GPC6: variants seen among roughly 807,000 people sequenced by gnomAD.
GPC6 encodes glypican 6.
A neutral mutation model predicts 55.2 loss-of-function variants in GPC6; 14 were observed. That is an observed-to-expected ratio of 0.25 (90% CI 0.17 to 0.40). GPC6 has a LOEUF of 0.40. Ranked by LOEUF, GPC6 falls within the 10% of genes least tolerant of loss-of-function variation. The probability of loss-of-function intolerance (pLI) is 1.00; values close to 1 mark genes in which losing one functional copy is unlikely to be tolerated. For missense variants in GPC6, 641 were observed against 708.5 expected, an observed-to-expected ratio of 0.90 and a Z score of 1.08; for synonymous variants, 278 against 259.6, an observed-to-expected ratio of 1.07 and a Z score of -0.68.
chr13:93,895,242 A>G (rs202232692), intron 3 of GPC6, among the ~76,000 whole-genome samples: 5,872 of 54,122 alleles, frequency 0.11, 649 homozygotes, highest in East Asian at 0.29. Flanking sequence ...GTGTATATAT[A>G]TATATATATA....
At chr13:93,492,455 T>C (rs1295314405) in intron 1 of GPC6, among the ~76,000 whole-genome samples, 2 of 150,908 alleles carry the variant, frequency 1.3e-5, no homozygotes, top group Non-Finnish European at 2.9e-5. Flanking sequence ...TAAACAATCA[T>C]GTCGTCTGCA....
intron 2 of GPC6, among the ~76,000 whole-genome samples, chr13:93,594,237 G>A (rs12100256): frequency 0.042 from 6,352 of 151,700 alleles, 440 homozygotes; most frequent in African/African-American, 0.14. Context: ...CTGTTATGGG[G>A]GTTTGTTGTA....
At chr13:93,217,295 C>G in the GPC6 span, among the ~76,000 whole-genome samples, 2 of 152,220 alleles carry the variant, frequency 1.3e-5, no homozygotes, top group African/African-American at 4.8e-5. Flanking sequence ...GTTTTAAACA[C>G]TTTGCAAGGG....
intron 6 of GPC6, among the ~76,000 whole-genome samples, chr13:94,363,549 A>G (rs1351395206): frequency 6.6e-6 from 1 of 152,184 alleles, no homozygotes; most frequent in East Asian, 1.9e-4. Flanking sequence ...GAACTCTCTA[A>G]TGTTGAGCTA....
chr13:94,330,123 C>T (rs1429794481), intron 6 of GPC6, among the ~76,000 whole-genome samples: 3 of 152,194 alleles, frequency 2.0e-5, no homozygotes, highest in Admixed American at 6.5e-5. Context: ...TGATAACTCC[C>T]TGCATAAGTT....
At chr13:93,418,513 A>G (rs527787753) in intron 1 of GPC6, among the ~76,000 whole-genome samples, 1 of 151,576 alleles carries the variant, frequency 6.6e-6, no homozygotes, top group African/African-American at 2.4e-5. Context: ...TAATAGCACT[A>G]TACCATAGTA....
chr13:93,758,144 C>T (rs1472025214), intron 2 of GPC6, among the ~76,000 whole-genome samples: 1 of 152,170 alleles, frequency 6.6e-6, no homozygotes, highest in Non-Finnish European at 1.5e-5. Context: ...TGCCAATCTG[C>T]TCACATTGCA....
At chr13:93,448,410 C>T (rs1301029319) in intron 1 of GPC6, among the ~76,000 whole-genome samples, 3 of 152,136 alleles carry the variant, frequency 2.0e-5, no homozygotes, top group Non-Finnish European at 4.4e-5. Context: ...GTTTGCACAG[C>T]AGTGAAATCT....
At chr13:93,919,445 G>A (rs968057027) in intron 3 of GPC6, among the ~76,000 whole-genome samples, 3 of 152,074 alleles carry the variant, frequency 2.0e-5, no homozygotes, top group Admixed American at 1.3e-4. Context: ...ACTAATGTGG[G>A]TCTTACCACA....
At chr13:94,196,423 C>A (rs976452136) in intron 4 of GPC6, among the ~76,000 whole-genome samples, 2 of 151,994 alleles carry the variant, frequency 1.3e-5, no homozygotes, top group Non-Finnish European at 2.9e-5. Flanking sequence ...TCTGTGACTT[C>A]CAAGCAAGAA....
At chr13:94,166,779 C>T (rs1362084874) in intron 4 of GPC6, among the ~76,000 whole-genome samples, 1 of 152,118 alleles carries the variant, frequency 6.6e-6, no homozygotes, top group African/African-American at 2.4e-5. Context: ...CCAAAGGACT[C>T]ATAATAAATA....
chr13:93,879,836 A>T (rs1268384606), intron 3 of GPC6, among the ~76,000 whole-genome samples: 2 of 152,142 alleles, frequency 1.3e-5, no homozygotes, highest in Non-Finnish European at 2.9e-5. Context: ...GCTAATATCC[A>T]GAATCTACAA....
intron 3 of GPC6, among the ~76,000 whole-genome samples, chr13:93,892,271 G>A (rs553527934): frequency 4.0e-5 from 6 of 150,258 alleles, no homozygotes; most frequent in South Asian, 2.1e-4. Flanking sequence ...AAGCCCCAAC[G>A]AAAGCATTCC....
At chr13:93,550,469 C>CAAAATAAA (rs1241558122) in intron 2 of GPC6, among the ~76,000 whole-genome samples, 1 of 151,926 alleles carries the variant, frequency 6.6e-6, no homozygotes, top group Non-Finnish European at 1.5e-5. Flanking sequence ...TTTTTAAAAG[C>CAAAATAAA]AAAATAAAAA....
chr13:94,042,148 T>C (rs1883562697), intron 4 of GPC6, among the ~76,000 whole-genome samples: 1 of 151,686 alleles, frequency 6.6e-6, no homozygotes, highest in Admixed American at 6.6e-5. Context: ...TTTAAAAGTA[T>C]GTGGCACCTC....
At chr13:93,355,076 A>C (rs548807575) in intron 1 of GPC6, among the ~76,000 whole-genome samples, 1 of 152,340 alleles carries the variant, frequency 6.6e-6, no homozygotes, top group East Asian at 1.9e-4. Context: ...GATTACAGGC[A>C]GGAGAGGCAA....
intron 2 of GPC6, among the ~76,000 whole-genome samples, chr13:93,799,857 T>C (rs1886315560): frequency 6.6e-6 from 1 of 152,176 alleles, no homozygotes; most frequent in Non-Finnish European, 1.5e-5. Context: ...CTAGATTCAG[T>C]AGGCTGTCTT....
At chr13:93,231,316 T>TATATAC (rs1555336107) in intron 1 of GPC6, among the ~76,000 whole-genome samples, 1 of 58,142 alleles carries the variant, frequency 1.7e-5, no homozygotes, top group Non-Finnish European at 3.0e-5. Context: ...CCTCATTTCA[T>TATATAC]ATATATATAT....
chr13:93,818,254 G>A (rs1886931522), intron 2 of GPC6, among the ~76,000 whole-genome samples: 1 of 151,616 alleles, frequency 6.6e-6, no homozygotes, highest in Non-Finnish European at 1.5e-5. Flanking sequence ...TTAGACATCT[G>A]TGGAACAAGG....
Sources: allele counts gnomAD v4.1 joint callset (sites outside exome capture counted in the v4.1 genomes callset), GRCh38; gene constraint gnomAD v4.1.1; transcripts MANE v1.5; gene names NCBI Gene and HGNC (gene_info 2026-07-23, HGNC 2026-07-21).